LYPD6: variants seen among roughly 807,000 people sequenced by gnomAD.
LYPD6 encodes ly6/PLAUR domain-containing protein 6.
A neutral mutation model predicts 22.7 loss-of-function variants in LYPD6; 15 were observed. The ratio of observed to expected loss-of-function variants is 0.66; its 90% CI spans 0.44 to 1.02. LYPD6 has a LOEUF of 1.02. Ranked by LOEUF, LYPD6 falls within the 50% of genes least tolerant of loss-of-function variation. LYPD6 has a pLI of 0.00. For synonymous variants in LYPD6, 72 were observed against 77.5 expected (o/e 0.93, Z 0.37); for missense variants, 189 against 208.4 (o/e 0.91, Z 0.57).
At chr2:149,474,658 T>A (rs1307298221), downstream of LYPD6, among the ~76,000 whole-genome samples, 1 of 152,212 alleles carries the variant, frequency 6.6e-6, no homozygotes, top group Admixed American at 6.5e-5. Context: ...TTATTGCTGA[T>A]CTCCGTGGAT....
chr2:149,336,889 C>T (rs13383772), intron 1 of LYPD6, among the ~76,000 whole-genome samples: 4,685 of 151,762 alleles, frequency 0.031, 241 homozygotes, highest in African/African-American at 0.11. Context: ...TTTCTCCCCT[C>T]TGAATTCCCC....
chr2:149,484,821 C>CAACT, the LYPD6 span, among the ~76,000 whole-genome samples: 1 of 152,114 alleles, frequency 6.6e-6, no homozygotes, highest in Non-Finnish European at 1.5e-5. Context: ...AAGGGATCAA[C>CAACT]AACTGCAAAA....
intron 1 of LYPD6, among the ~76,000 whole-genome samples, chr2:149,336,325 A>G (rs772531370): frequency 5.9e-5 from 9 of 152,224 alleles, no homozygotes; most frequent in Admixed American, 1.3e-4. Flanking sequence ...AGATCATCTA[A>G]ATAGGAAGAA....
chr2:149,364,025 A>G (rs2105070540), intron 1 of LYPD6, among the ~76,000 whole-genome samples: 1 of 151,970 alleles, frequency 6.6e-6, no homozygotes, highest in South Asian at 2.1e-4. Flanking sequence ...TTCTTATCTC[A>G]CTCCTTAGCT....
intron 1 of LYPD6, among the ~76,000 whole-genome samples, chr2:149,405,357 C>G (rs1431653693): frequency 6.6e-6 from 1 of 152,164 alleles, no homozygotes; most frequent in Non-Finnish European, 1.5e-5. Flanking sequence ...GTGAATCCAT[C>G]TGGTCCTGGA....
intron 1 of LYPD6, among the ~76,000 whole-genome samples, chr2:149,377,019 G>A (rs1165104400): frequency 1.3e-5 from 2 of 152,206 alleles, no homozygotes; most frequent in African/African-American, 2.4e-5. Context: ...GACTTCTGCT[G>A]TATATGGTTA....
chr2:149,374,927 A>G (rs1258619396), intron 1 of LYPD6, among the ~76,000 whole-genome samples: 1 of 152,238 alleles, frequency 6.6e-6, no homozygotes, highest in African/African-American at 2.4e-5. Context: ...AGTGAAGGAA[A>G]CAACTTCACT....
chr2:149,382,002 A>G (rs973356014), intron 1 of LYPD6, among the ~76,000 whole-genome samples: 1 of 152,178 alleles, frequency 6.6e-6, no homozygotes, highest in African/African-American at 2.4e-5. Context: ...AGAAAAGATC[A>G]GATTAAGTAT....
chr2:149,473,304 C>G lies in LYPD6; in HGVS notation c.*2454C>G, dbSNP rs528451675. 3 of 152,756 alleles carry G rather than the reference C, an allele frequency of 2.0e-5. No homozygotes were observed. Among genetic ancestry groups the G allele is most frequent in the African/African-American group, 7.2e-5 (3 of 41,580 alleles). The allele number at this position is 152,756 out of a possible 1,614,324, so 9.5% of individuals were successfully genotyped here. A position where few individuals can be genotyped will look rare whatever the true frequency, so the allele number is the denominator to read the frequency against. On this transcript the variant is annotated 3_prime_UTR_variant, in exon 5 of 5. Coordinates refer to ENST00000334166, the MANE Select transcript of LYPD6 (RefSeq NM_194317.5). ...ATGTTGCTGCATGTGTCCCATGTGCCTGTCAGAATGGCAGTGTTTAATTCT... is the reference window on the plus strand; with the variant it reads ...ATGTTGCTGCATGTGTCCCATGTGCGTGTCAGAATGGCAGTGTTTAATTCT...
chr2:149,448,964 C>A, intron 2 of LYPD6, 85 bp from the exon 3 acceptor site: 1 of 1,085,994 alleles, frequency 9.2e-7, no homozygotes, highest in Admixed American at 2.4e-5. Flanking sequence ...AGAATCCTTT[C>A]TTTAAAATAA....
At chr2:149,386,154 C>T (rs189147167) in intron 1 of LYPD6, among the ~76,000 whole-genome samples, 4 of 152,230 alleles carry the variant, frequency 2.6e-5, no homozygotes, top group East Asian at 3.9e-4. Flanking sequence ...TGAAGAATGA[C>T]GATTAACCTG....
chr2:149,404,655 G>C (rs1682652260), intron 1 of LYPD6, among the ~76,000 whole-genome samples: 1 of 152,140 alleles, frequency 6.6e-6, no homozygotes, highest in African/African-American at 2.4e-5. Context: ...GGGTTTTCTA[G>C]ATATACAATC....
chr2:149,390,223 T>C (rs548823147), intron 1 of LYPD6, among the ~76,000 whole-genome samples: 3 of 152,352 alleles, frequency 2.0e-5, no homozygotes, highest in African/African-American at 7.2e-5. Flanking sequence ...TGGTTAGTCC[T>C]TCAGCCCCAC....
At chr2:149,365,999 C>T (rs559226345) in intron 1 of LYPD6, among the ~76,000 whole-genome samples, 3 of 152,198 alleles carry the variant, frequency 2.0e-5, no homozygotes, top group East Asian at 1.9e-4. Context: ...CACATGACAC[C>T]GACATTACTC....
At chr2:149,348,201 A>G (rs1270599031) in intron 1 of LYPD6, among the ~76,000 whole-genome samples, 7 of 152,228 alleles carry the variant, frequency 4.6e-5, no homozygotes, top group Admixed American at 4.6e-4. Flanking sequence ...ATACAATAAT[A>G]AATGAAATGG....
chr2:149,469,412 A>G (rs1208915611), intron 4 of LYPD6, among the ~76,000 whole-genome samples: 2 of 152,178 alleles, frequency 1.3e-5, no homozygotes, highest in Non-Finnish European at 2.9e-5. Context: ...CTTGCCCTCT[A>G]TACGTGTGTC....
At chr2:149,415,405 G>A (rs2105126704) in intron 1 of LYPD6, among the ~76,000 whole-genome samples, 1 of 152,274 alleles carries the variant, frequency 6.6e-6, no homozygotes, top group African/African-American at 2.4e-5. Context: ...TGAAGCACAT[G>A]GCAGAAGGCA....
chr2:149,377,621 A>G (rs532337849), intron 1 of LYPD6, among the ~76,000 whole-genome samples: 2 of 152,130 alleles, frequency 1.3e-5, no homozygotes, highest in African/African-American at 4.8e-5. Flanking sequence ...CTCTACTACA[A>G]ATACAAAAGT....
intron 1 of LYPD6, among the ~76,000 whole-genome samples, chr2:149,331,020 G>C (rs1397952697): frequency 6.6e-6 from 1 of 152,180 alleles, no homozygotes; most frequent in Admixed American, 6.5e-5. Flanking sequence ...CAAGTTCAAG[G>C]CTGGAGGAAC....
Sources: allele counts gnomAD v4.1 joint callset (sites outside exome capture counted in the v4.1 genomes callset), GRCh38; gene constraint gnomAD v4.1.1; transcripts MANE v1.5; gene names NCBI Gene and HGNC (gene_info 2026-07-23, HGNC 2026-07-21).